Variants in CNTNAP2 observed in about 807,000 individuals in gnomAD.
The protein encoded by CNTNAP2 is contactin associated protein 2, also known as contactin-associated protein-like 2.
Under a neutral mutation model 155.2 loss-of-function variants are expected in CNTNAP2, and 98 were observed. That is an observed-to-expected ratio of 0.63 (90% CI 0.54 to 0.75). The LOEUF (loss-of-function observed/expected upper bound fraction) is 0.75. Among genes scored for constraint, CNTNAP2 ranks in the 30% least tolerant of loss-of-function variants. CNTNAP2 has a pLI of 0.00. For missense variants in CNTNAP2, 1,727 were observed against 1,688.1 expected (o/e 1.02, Z -0.40); for synonymous variants, 651 against 631.2 (o/e 1.03, Z -0.47).
At chr7:147,711,574 AATC>A (rs1796400638) in intron 13 of CNTNAP2, among the ~76,000 whole-genome samples, 1 of 152,188 alleles carries the variant, frequency 6.6e-6, no homozygotes, top group South Asian at 2.1e-4. Context: ...AGCATGTGGC[AATC>A]CAGACAGCTG....
At chr7:147,061,153 G>A (rs1310540158) in intron 4 of CNTNAP2, among the ~76,000 whole-genome samples, 1 of 150,540 alleles carries the variant, frequency 6.6e-6, no homozygotes, top group African/African-American at 2.5e-5. Context: ...TACTATTAAT[G>A]GGCATGAAGT....
intron 15 of CNTNAP2, among the ~76,000 whole-genome samples, chr7:148,038,658 G>A (rs1182749113): frequency 1.3e-5 from 2 of 152,118 alleles, no homozygotes; most frequent in African/African-American, 2.4e-5. Context: ...CCCATTAAAT[G>A]TTTCTTTAAT....
Position 147,376,501 on chromosome 7 carries a change from T to C in CNTNAP2, c.1499-19108T>C, listed in dbSNP as rs183368429. ...ACATATTTAGAATTTTTCTAACTTG[T>C]AGTGAATTTTACCTTTTTTCATTGT... On this transcript the variant is annotated intron_variant, in intron 9 of 23. Transcript: ENST00000361727. Among the ~76,000 whole-genome samples the C allele has an allele frequency of 1.2e-4, 19 of 152,150 alleles. No individual in the cohort carries two copies. In the East Asian group the frequency reaches 3.7e-3, roughly 29 times the overall value.
chr7:148,411,163 C>T (rs1799828559), intron 23 of CNTNAP2, among the ~76,000 whole-genome samples: 1 of 152,190 alleles, frequency 6.6e-6, no homozygotes, highest in South Asian at 2.1e-4. Flanking sequence ...ATTGACATCC[C>T]TGTTACCATT....
At chr7:147,096,766 G>T (rs1363359256) in intron 4 of CNTNAP2, among the ~76,000 whole-genome samples, 1 of 152,170 alleles carries the variant, frequency 6.6e-6, no homozygotes, top group Non-Finnish European at 1.5e-5. Flanking sequence ...CATGGCCCCA[G>T]TGAGTGTGCA....
intron 1 of CNTNAP2, among the ~76,000 whole-genome samples, chr7:146,589,731 A>T (rs1030725403): frequency 7.0e-6 from 1 of 143,056 alleles, no homozygotes; most frequent in South Asian, 2.5e-4. Context: ...CATGTATCCC[A>T]GAATGTAGAG....
intron 3 of CNTNAP2, among the ~76,000 whole-genome samples, chr7:146,985,728 C>T (rs890429835): frequency 6.6e-6 from 1 of 152,022 alleles, no homozygotes; most frequent in Admixed American, 6.6e-5. Context: ...AAATATTCTC[C>T]CTTTTCTTTG....
intron 8 of CNTNAP2, among the ~76,000 whole-genome samples, chr7:147,269,076 A>G (rs1465236749): frequency 2.6e-5 from 4 of 152,094 alleles, no homozygotes; most frequent in Admixed American, 2.6e-4. Flanking sequence ...CCTGAGTGTA[A>G]CCTGGCTTCC....
chr7:146,481,797 A>G (rs1206102921), intron 1 of CNTNAP2, among the ~76,000 whole-genome samples: 4 of 152,182 alleles, frequency 2.6e-5, no homozygotes, highest in Admixed American at 2.6e-4. Context: ...CATCATAAGG[A>G]AAAAGTAGAA....
rs1377087054 is a variant in CNTNAP2 at position 148,375,957 on chromosome 7, G to A, written c.3476-7692G>A. 5.1e-5 allele frequency among the ~76,000 whole-genome samples: 3 copies of A among 58,670 alleles called. 1 individual carries two copies. The highest frequency in any genetic ancestry group is 4.2e-5 in the African/African-American group (1 of 23,964). 38.5% of individuals were successfully genotyped at this position (58,670 alleles called of 152,430 possible). A position where few individuals can be genotyped will look rare whatever the true frequency, so the allele number is the denominator to read the frequency against. ...GGAGGTTGCAGTGAGCCGAGATTGC[G>A]CCACTGCACTCCAGCCTGGGTAACA... On this transcript the variant is annotated intron_variant, in intron 21 of 23. Coordinates refer to ENST00000361727, the MANE Select transcript of CNTNAP2 (RefSeq NM_014141.6).
chr7:147,604,487 C>T (rs1424686014), intron 12 of CNTNAP2, among the ~76,000 whole-genome samples: 2 of 152,168 alleles, frequency 1.3e-5, no homozygotes. Flanking sequence ...ACATGACCTT[C>T]GTTGTCTGCT....
At chr7:148,333,483 T>G (rs147021585) in intron 21 of CNTNAP2, among the ~76,000 whole-genome samples, 2 of 152,198 alleles carry the variant, frequency 1.3e-5, no homozygotes, top group Admixed American at 6.5e-5. Context: ...CTGGGAGGAC[T>G]TTATGGAACA....
intron 12 of CNTNAP2, among the ~76,000 whole-genome samples, chr7:147,629,416 A>C (rs1231750242): frequency 7.5e-6 from 1 of 132,518 alleles, no homozygotes; most frequent in Non-Finnish European, 1.6e-5. Context: ...AAATAATAAT[A>C]ATAATAATAA....
At chr7:147,400,833 T>G (rs1474886321) in intron 10 of CNTNAP2, among the ~76,000 whole-genome samples, 1 of 152,166 alleles carries the variant, frequency 6.6e-6, no homozygotes, top group East Asian at 1.9e-4. Context: ...GATACTAACT[T>G]GTATGTGAAA....
At chr7:147,600,406 G>T (rs1000571260) in intron 12 of CNTNAP2, among the ~76,000 whole-genome samples, 3 of 152,174 alleles carry the variant, frequency 2.0e-5, no homozygotes, top group Non-Finnish European at 4.4e-5. Flanking sequence ...CTCTGCCTTT[G>T]TAGTGCAATG....
At chr7:147,754,889 T>C (rs1158424982) in intron 13 of CNTNAP2, among the ~76,000 whole-genome samples, 3 of 152,214 alleles carry the variant, frequency 2.0e-5, no homozygotes, top group Non-Finnish European at 4.4e-5. Context: ...TCAACTCTTT[T>C]GCATGCTTAG....
chr7:147,937,458 A>G (rs1014965627), intron 14 of CNTNAP2, among the ~76,000 whole-genome samples: 5 of 152,170 alleles, frequency 3.3e-5, no homozygotes, highest in African/African-American at 1.2e-4. Context: ...AATCATATCA[A>G]TGAGGCACAG....
intron 1 of CNTNAP2, among the ~76,000 whole-genome samples, chr7:146,705,619 T>TC (rs11427461): frequency 0.23 from 35,444 of 151,976 alleles, 10,420 homozygotes; most frequent in African/African-American, 0.69. Flanking sequence ...GGACTCACAG[T>TC]CCACATGGCT....
At chr7:147,278,496 C>G (rs1804954102) in intron 8 of CNTNAP2, among the ~76,000 whole-genome samples, 1 of 151,574 alleles carries the variant, frequency 6.6e-6, no homozygotes, top group Non-Finnish European at 1.5e-5. Context: ...CAAAATTATT[C>G]TTATTTCTTT....
Sources: allele counts gnomAD v4.1 joint callset (sites outside exome capture counted in the v4.1 genomes callset), GRCh38; gene constraint gnomAD v4.1.1; transcripts MANE v1.5; gene names NCBI Gene and HGNC (gene_info 2026-07-23, HGNC 2026-07-21).